The following ATP2B2 variants were observed in gnomAD, a reference collection of about 807,000 sequenced individuals.
The protein encoded by ATP2B2 is ATPase plasma membrane Ca2+ transporting 2, also known as plasma membrane calcium-transporting ATPase 2.
A neutral mutation model predicts 120.0 loss-of-function variants in ATP2B2; 15 were observed. The ratio of observed to expected loss-of-function variants is 0.12; its 90% CI spans 0.08 to 0.19. The LOEUF (loss-of-function observed/expected upper bound fraction) is 0.19. Ranked by LOEUF, ATP2B2 falls within the 10% of genes least tolerant of loss-of-function variation. The pLI is 1.00. For missense variants in ATP2B2, 1,045 were observed against 1,719.8 expected (o/e 0.61, Z 6.94); for synonymous variants, 694 against 700.3 (o/e 0.99, Z 0.14).
intron 22 of ATP2B2, among the ~76,000 whole-genome samples, chr3:10,336,979 C>A (rs1321042263): frequency 6.6e-6 from 1 of 152,156 alleles, no homozygotes; most frequent in Non-Finnish European, 1.5e-5. Context: ...TTGTCCTGGA[C>A]CTCCCAGGAG....
chr3:10,642,422 C>A (rs549370344), intron 1 of ATP2B2, among the ~76,000 whole-genome samples: 7 of 152,136 alleles, frequency 4.6e-5, no homozygotes, highest in Non-Finnish European at 1.0e-4. Context: ...AAAGCAGGCA[C>A]AGTCACTGGC....
chr3:10,350,550 G>T lies in ATP2B2; in HGVS notation c.2164C>A (p.Arg722=). ...EVPEAIRKCQ[R]AGITVRMVTG... ...ACCATGCGGACCGTGATGCCTGCCC[G>T]CTGGCACTTGCGGATGGCTTCTGGG... The change falls in exon 15 of 23, where the codon CGG becomes AGG. Residue 722 remains arginine, a synonymous_variant. Coordinates refer to ENST00000360273, the MANE Select transcript of ATP2B2 (RefSeq NM_001001331.4). 1.2e-6 allele frequency: 2 copies of T among 1,613,594 alleles called. No individual in the cohort carries two copies. Among genetic ancestry groups the T allele is most frequent in the Non-Finnish European group, 1.7e-6 (2 of 1,180,010 alleles).
chr3:10,484,824 T>A (rs1277407141), intron 1 of ATP2B2, among the ~76,000 whole-genome samples: 1 of 152,194 alleles, frequency 6.6e-6, no homozygotes, highest in East Asian at 1.9e-4. Flanking sequence ...GGAGAAGCAA[T>A]GAGTCTGTGT....
intron 1 of ATP2B2, among the ~76,000 whole-genome samples, chr3:10,464,883 C>A (rs563512764): frequency 2.6e-5 from 4 of 152,336 alleles, no homozygotes; most frequent in African/African-American, 9.6e-5. Flanking sequence ...GGCCATGGAG[C>A]AGGTGCTGGC....
chr3:10,587,451 C>T (rs560942373), intron 2 of ATP2B2, among the ~76,000 whole-genome samples: 5 of 152,196 alleles, frequency 3.3e-5, no homozygotes, highest in South Asian at 2.1e-4. Context: ...TGCAGTGGTT[C>T]GATCTTGAAC....
chr3:10,522,832 TG>T (rs2067011553), intron 3 of ATP2B2, among the ~76,000 whole-genome samples: 1 of 152,160 alleles, frequency 6.6e-6, no homozygotes, highest in Non-Finnish European at 1.5e-5. Flanking sequence ...CACTGACACC[TG>T]GGGGTGACCT....
At chr3:10,666,288 C>T (rs903703095) in intron 1 of ATP2B2, among the ~76,000 whole-genome samples, 12 of 152,154 alleles carry the variant, frequency 7.9e-5, no homozygotes, top group Admixed American at 4.6e-4. Flanking sequence ...AGAGTGGGCA[C>T]GGGCAGCAAC....
At chr3:10,509,234 G>A (rs1457000497), upstream of ATP2B2, among the ~76,000 whole-genome samples, 1 of 152,146 alleles carries the variant, frequency 6.6e-6, no homozygotes, top group Non-Finnish European at 1.5e-5. Flanking sequence ...TGTGTCTTCG[G>A]TATGAGACGT....
chr3:10,398,850 C>G (rs1443192353), intron 5 of ATP2B2, among the ~76,000 whole-genome samples: 1 of 152,236 alleles, frequency 6.6e-6, no homozygotes, highest in Non-Finnish European at 1.5e-5. Context: ...CTGCCTTCAG[C>G]ATCGTCTTAT....
chr3:10,556,650 C>A (rs143229488), intron 2 of ATP2B2, among the ~76,000 whole-genome samples: 1 of 152,144 alleles, frequency 6.6e-6, no homozygotes, highest in Admixed American at 6.5e-5. Context: ...GTGTGCCTGG[C>A]GTGTTTGAGA....
At chr3:10,522,187 C>T (rs764759532) in intron 3 of ATP2B2, among the ~76,000 whole-genome samples, 2 of 152,212 alleles carry the variant, frequency 1.3e-5, no homozygotes, top group African/African-American at 2.4e-5. Context: ...GTCCACCCTC[C>T]AGCTCCTCGT....
chr3:10,328,652 A>T lies in ATP2B2; in HGVS notation c.*162T>A. The T allele has an allele frequency of 1.4e-6, 1 of 714,262 alleles. No individual in the cohort carries two copies. Among genetic ancestry groups the T allele is most frequent in the East Asian group, 2.7e-5 (1 of 36,602 alleles). The allele number at this position is 714,262 out of a possible 1,614,324, so 44.2% of individuals were successfully genotyped here. A position where few individuals can be genotyped will look rare whatever the true frequency, so the allele number is the denominator to read the frequency against. Reference sequence around the variant, plus strand: ...AGTTCAAACAGCATCGCAGCCAGAGAAAGGGTCTGTGGGTGGAAACGTTGG... The same window carrying T: ...AGTTCAAACAGCATCGCAGCCAGAGTAAGGGTCTGTGGGTGGAAACGTTGG... On this transcript the variant is annotated 3_prime_UTR_variant, in exon 23 of 23. Coordinates refer to ENST00000360273, the MANE Select transcript of ATP2B2 (RefSeq NM_001001331.4).
At chr3:10,427,880 G>T (rs2063192174) in intron 2 of ATP2B2, among the ~76,000 whole-genome samples, 1 of 152,138 alleles carries the variant, frequency 6.6e-6, no homozygotes, top group Non-Finnish European at 1.5e-5. Flanking sequence ...GGCCTGTTTG[G>T]GTCTGCCTAC....
intron 1 of ATP2B2, among the ~76,000 whole-genome samples, chr3:10,470,496 C>T (rs1472702407): frequency 1.3e-5 from 2 of 152,194 alleles, no homozygotes; most frequent in East Asian, 3.8e-4. Flanking sequence ...ACCTGCCTCC[C>T]AGCTGGTTGA....
At chr3:10,483,869 T>C (rs1488276375) in intron 1 of ATP2B2, among the ~76,000 whole-genome samples, 1 of 152,180 alleles carries the variant, frequency 6.6e-6, no homozygotes, top group African/African-American at 2.4e-5. Flanking sequence ...GGCCGGTGCA[T>C]TGGCGTCAGC....
chr3:10,394,320 G>A (rs1174005105), intron 5 of ATP2B2, among the ~76,000 whole-genome samples: 4 of 152,020 alleles, frequency 2.6e-5, no homozygotes, highest in East Asian at 1.9e-4. Flanking sequence ...AATAACACAC[G>A]CTCACAGAGC....
At chr3:10,427,173 C>G (rs1374092292) in intron 2 of ATP2B2, among the ~76,000 whole-genome samples, 1 of 152,194 alleles carries the variant, frequency 6.6e-6, no homozygotes, top group African/African-American at 2.4e-5. Flanking sequence ...CTCTTTCAAT[C>G]CCTGGTCCAG....
At chr3:10,434,165 C>T (rs956005060) in intron 2 of ATP2B2, among the ~76,000 whole-genome samples, 2 of 152,264 alleles carry the variant, frequency 1.3e-5, no homozygotes, top group African/African-American at 4.8e-5. Context: ...TCTATACTCT[C>T]AGGGCACAAC....
intron 2 of ATP2B2, among the ~76,000 whole-genome samples, chr3:10,536,629 C>T (rs377171004): frequency 8.5e-5 from 13 of 152,180 alleles, no homozygotes; most frequent in African/African-American, 2.9e-4. Context: ...CAGGCTCAAG[C>T]AAACCTCCTG....
Sources: gnomAD v4.1 joint callset for allele counts (sites outside exome capture counted in the v4.1 genomes callset) on GRCh38, gnomAD v4.1.1 for gene constraint, MANE v1.5 for transcripts, NCBI Gene and HGNC (gene_info 2026-07-23, HGNC 2026-07-21) for gene names.